ZNF385D: variants seen among roughly 807,000 people sequenced by gnomAD.
ZNF385D encodes the protein zinc finger protein 659.
ZNF385D carries 15 observed loss-of-function variants against 35.8 expected under a neutral mutation model. The ratio of observed to expected loss-of-function variants is 0.42; its 90% CI spans 0.28 to 0.64. The LOEUF is 0.64. ZNF385D is among the 30% of genes least tolerant of loss of function. The pLI is 0.23. For synonymous variants in ZNF385D, 212 were observed against 186.8 expected (o/e 1.13, Z -1.10); for missense variants, 474 against 494.6 (o/e 0.96, Z 0.39).
intron 2 of ZNF385D, among the ~76,000 whole-genome samples, chr3:21,604,441 T>C (rs898689427): frequency 1.3e-5 from 2 of 152,224 alleles, no homozygotes; most frequent in South Asian, 2.1e-4. Flanking sequence ...ATTTCTATTA[T>C]GTAGGAAGAT....
At chr3:21,439,661 A>G (rs1414135059) in intron 4 of ZNF385D, among the ~76,000 whole-genome samples, 1 of 152,108 alleles carries the variant, frequency 6.6e-6, no homozygotes, top group African/African-American at 2.4e-5. Flanking sequence ...ATTTGTTAAC[A>G]AAAGCATAGA....
chr3:21,716,986 G>A (rs1439403597), intron 1 of ZNF385D, among the ~76,000 whole-genome samples: 4 of 152,000 alleles, frequency 2.6e-5, no homozygotes, highest in African/African-American at 7.3e-5. Context: ...GCTGTGATGT[G>A]GTGTAGTGTG....
chr3:22,172,497 C>T lies in ZNF385D; in HGVS notation c.107-3462G>A, dbSNP rs1384400248. 5.3e-5 allele frequency among the ~76,000 whole-genome samples: 8 copies of T among 152,278 alleles called. No individual in the cohort carries two copies. The South Asian group carries it at 6.2e-4, about 12-fold the overall frequency. On this transcript the variant is annotated intron_variant, in intron 2 of 5. Transcript: ENST00000494108. ...TGATTTATTTAGTGCACTGTTCTGA[C>T]GTAAGCTGAAATGTCACCACCTTTG...
chr3:21,537,658 C>T (rs1166811475), intron 3 of ZNF385D, among the ~76,000 whole-genome samples: 1 of 152,070 alleles, frequency 6.6e-6, no homozygotes, highest in Non-Finnish European at 1.5e-5. Flanking sequence ...AGATCAGTGC[C>T]TCACATAGTC....
chr3:21,679,241 T>A (rs1191933815), intron 1 of ZNF385D, among the ~76,000 whole-genome samples: 1 of 152,104 alleles, frequency 6.6e-6, no homozygotes, highest in Admixed American at 6.6e-5. Flanking sequence ...ATAGAGTAAA[T>A]ACTAAACTAT....
intron 3 of ZNF385D, among the ~76,000 whole-genome samples, chr3:21,918,217 T>C (rs530935552): frequency 6.6e-6 from 1 of 152,290 alleles, no homozygotes; most frequent in Non-Finnish European, 1.5e-5. Context: ...CTGCGTGCTA[T>C]ATGGTCTATG....
At chr3:21,740,311 A>T (rs1240579205) in intron 1 of ZNF385D, among the ~76,000 whole-genome samples, 1 of 152,200 alleles carries the variant, frequency 6.6e-6, no homozygotes, top group East Asian at 1.9e-4. Context: ...TGGGTGGACC[A>T]GGAACATTTA....
intron 3 of ZNF385D, among the ~76,000 whole-genome samples, chr3:22,153,391 T>C (rs911180626): frequency 2.0e-5 from 3 of 151,820 alleles, no homozygotes; most frequent in African/African-American, 7.3e-5. Context: ...GTTTGTGCAA[T>C]CATGGGCACA....
At chr3:22,343,004 G>C (rs1695493176) in intron 2 of ZNF385D, among the ~76,000 whole-genome samples, 1 of 152,152 alleles carries the variant, frequency 6.6e-6, no homozygotes, top group East Asian at 1.9e-4. Context: ...ATACACACCT[G>C]ATTTCAAAGA....
intron 3 of ZNF385D, among the ~76,000 whole-genome samples, chr3:21,940,522 T>A (rs564141663): frequency 1.2e-4 from 18 of 152,324 alleles, no homozygotes; most frequent in Middle Eastern, 6.8e-3. Flanking sequence ...ACAAAGTTTA[T>A]ATTTTATGCC....
chr3:21,807,579 G>A (rs941935612), intron 3 of ZNF385D, among the ~76,000 whole-genome samples: 3 of 152,010 alleles, frequency 2.0e-5, no homozygotes, highest in Non-Finnish European at 4.4e-5. Flanking sequence ...AAATACAATA[G>A]TGAATATATT....
chr3:21,681,312 A>C (rs929721440), intron 1 of ZNF385D, among the ~76,000 whole-genome samples: 6 of 149,830 alleles, frequency 4.0e-5, no homozygotes, highest in African/African-American at 1.2e-4. Flanking sequence ...AAAAAAAAAA[A>C]AAAAAAAAAA....
chr3:21,932,079 A>T (rs1458985259), intron 3 of ZNF385D, among the ~76,000 whole-genome samples: 1 of 146,770 alleles, frequency 6.8e-6, no homozygotes, highest in African/African-American at 2.5e-5. Context: ...AGGCAGGAGA[A>T]TGGTGTGAAT....
intron 3 of ZNF385D, among the ~76,000 whole-genome samples, chr3:22,085,554 T>C (rs1247655160): frequency 1.3e-5 from 2 of 152,004 alleles, no homozygotes; most frequent in Non-Finnish European, 2.9e-5. Flanking sequence ...AATAGACCAA[T>C]AACAGGCTCT....
At chr3:21,773,613 CACAA>C (rs1575625114) in intron 3 of ZNF385D, among the ~76,000 whole-genome samples, 2 of 151,744 alleles carry the variant, frequency 1.3e-5, no homozygotes, top group African/African-American at 2.4e-5. Flanking sequence ...GGGCAAAGAA[CACAA>C]ACAGACACTT....
chr3:22,050,176 G>C (rs369277907), intron 3 of ZNF385D, among the ~76,000 whole-genome samples: 6 of 151,346 alleles, frequency 4.0e-5, no homozygotes, highest in Non-Finnish European at 5.9e-5. Context: ...GACCAGCCTG[G>C]GCAAAAAAGG....
At chr3:21,641,038 A>G (rs2065590027) in intron 2 of ZNF385D, among the ~76,000 whole-genome samples, 1 of 152,108 alleles carries the variant, frequency 6.6e-6, no homozygotes, top group South Asian at 2.1e-4. Flanking sequence ...ACATATTCAT[A>G]ACCAAGACTG....
chr3:21,696,717 C>T (rs1156320985), intron 1 of ZNF385D, among the ~76,000 whole-genome samples: 1 of 152,126 alleles, frequency 6.6e-6, no homozygotes, highest in African/African-American at 2.4e-5. Context: ...AGGAACTATC[C>T]CACAAAATAA....
chr3:22,115,431 C>G (rs1275584627), intron 3 of ZNF385D, among the ~76,000 whole-genome samples: 2 of 152,036 alleles, frequency 1.3e-5, no homozygotes, highest in Non-Finnish European at 2.9e-5. Flanking sequence ...AAAATTACTT[C>G]AATATTTGAG....
Sources: gnomAD v4.1 joint callset for allele counts (sites outside exome capture counted in the v4.1 genomes callset) on GRCh38, gnomAD v4.1.1 for gene constraint, MANE v1.5 for transcripts, NCBI Gene and HGNC (gene_info 2026-07-23, HGNC 2026-07-21) for gene names.